The following LY75 variants were observed in gnomAD, a reference collection of about 807,000 sequenced individuals.
LY75 encodes the protein lymphocyte antigen 75.
A neutral mutation model predicts 231.7 loss-of-function variants in LY75; 185 were observed. The ratio of observed to expected loss-of-function variants is 0.80; its 90% CI spans 0.71 to 0.90. LY75 has a LOEUF of 0.90. LY75 is among the 40% of genes least tolerant of loss of function. LY75 has a pLI of 0.00. For missense variants in LY75, 1,947 were observed against 2,050.2 expected (o/e 0.95, Z 0.97); for synonymous variants, 668 against 689.0 (o/e 0.97, Z 0.48).
At chr2:159,855,555 G>A (rs1229272989) in intron 16 of LY75, among the ~76,000 whole-genome samples, 2 of 152,154 alleles carry the variant, frequency 1.3e-5, no homozygotes, top group African/African-American at 4.8e-5. Context: ...ACAGAATTCC[G>A]GGTTGGAAGC....
chr2:159,902,006 G>T (rs1056273588), intron 1 of LY75, among the ~76,000 whole-genome samples: 2 of 152,342 alleles, frequency 1.3e-5, no homozygotes, highest in African/African-American at 2.4e-5. Flanking sequence ...GAGCTGGAAG[G>T]AGGACTGAGA....
chr2:159,807,569 C>T, intron 33 of LY75: 1 of 945,438 alleles, frequency 1.1e-6, no homozygotes, highest in Non-Finnish European at 1.3e-6. Flanking sequence ...GTGCAGGAAT[C>T]TCCATCCCCA....
chr2:159,864,734 T>A (rs1574569581), intron 14 of LY75, 105 bp downstream of exon 14: 1 of 1,134,330 alleles, frequency 8.8e-7, no homozygotes, highest in African/African-American at 1.6e-5. Flanking sequence ...GGGTCTTTTG[T>A]GGTTCCATAT....
chr2:159,844,730 C>T (rs1243006218), intron 23 of LY75, among the ~76,000 whole-genome samples: 2 of 149,240 alleles, frequency 1.3e-5, no homozygotes, highest in African/African-American at 4.9e-5. Context: ...AAACCCATAA[C>T]AAATTCAAAC....
intron 30 of LY75, 164 bp from the exon 31 acceptor site, chr2:159,815,737 T>C: frequency 2.3e-6 from 1 of 433,690 alleles, no homozygotes; most frequent in Non-Finnish European, 3.1e-6. Flanking sequence ...GATTTACTTC[T>C]GATGCATTGA....
At chr2:159,872,326 G>T in intron 13 of LY75, 125 bp downstream of exon 13, 1 of 1,258,722 alleles carries the variant, frequency 7.9e-7, no homozygotes, top group Non-Finnish European at 1.1e-6. Context: ...AGCACCAAAT[G>T]ACCTTTTAGA....
chr2:159,899,343 C>T (rs564921913), intron 1 of LY75, among the ~76,000 whole-genome samples: 1 of 152,270 alleles, frequency 6.6e-6, no homozygotes, highest in East Asian at 1.9e-4. Flanking sequence ...CTCTGTGCTC[C>T]AGTTTTCATA....
chr2:159,875,745 T>C (rs1361382355), intron 11 of LY75, 102 bp from the exon 12 acceptor site: 1 of 1,208,720 alleles, frequency 8.3e-7, no homozygotes, highest in Non-Finnish European at 1.1e-6. Context: ...GGAGAGAGAA[T>C]AAAAAAAAAA....
At chr2:159,866,858 C>T (rs1684871569) in intron 13 of LY75, among the ~76,000 whole-genome samples, 1 of 152,076 alleles carries the variant, frequency 6.6e-6, no homozygotes, top group Non-Finnish European at 1.5e-5. Context: ...CACAATACAA[C>T]CAGGAAGACG....
intron 16 of LY75, among the ~76,000 whole-genome samples, chr2:159,856,380 G>A (rs1684550660): frequency 6.6e-6 from 1 of 152,156 alleles, no homozygotes; most frequent in Non-Finnish European, 1.5e-5. Context: ...GGGAAGAGAG[G>A]ATTAATTAGA....
chr2:159,898,583 T>C, intron 2 of LY75, 105 bp downstream of exon 2: 4 of 1,505,350 alleles, frequency 2.7e-6, no homozygotes, highest in Non-Finnish European at 3.6e-6. Flanking sequence ...GCTTACTCAC[T>C]GCCCTTACTA....
chr2:159,849,910 T>C (rs1684329505), intron 23 of LY75, 70 bp downstream of exon 23: 5 of 1,553,348 alleles, frequency 3.2e-6, no homozygotes, highest in Non-Finnish European at 4.3e-6. Flanking sequence ...TTTTGCTTAG[T>C]CCAAAAATGT....
At chr2:159,813,795 T>G (rs548347875) in intron 31 of LY75, 1 of 152,398 alleles carries the variant, frequency 6.6e-6, no homozygotes, top group East Asian at 1.9e-4. Flanking sequence ...GGAGGCACTC[T>G]TCAACCTGGT....
intron 25 of LY75, among the ~76,000 whole-genome samples, chr2:159,840,408 C>T (rs980254793): frequency 6.6e-6 from 1 of 151,966 alleles, no homozygotes; most frequent in African/African-American, 2.4e-5. Flanking sequence ...CTCATCTTTA[C>T]AAAAAATACA....
intron 23 of LY75, among the ~76,000 whole-genome samples, chr2:159,846,008 G>A (rs1026105498): frequency 4.1e-4 from 62 of 151,206 alleles, no homozygotes; most frequent in Non-Finnish European, 4.4e-5. Context: ...GTGTTGCCCA[G>A]GCTGGTCTCT....
chr2:159,878,895 A>G (rs923101937), intron 9 of LY75, among the ~76,000 whole-genome samples, 174 bp from the exon 10 acceptor site: 2 of 152,172 alleles, frequency 1.3e-5, no homozygotes, highest in Admixed American at 1.3e-4. Flanking sequence ...TAACCTCCAC[A>G]AGACTGTGGG....
In LY75 at chr2:159,816,942, C is replaced by T. The variant is rs752991846; in HGVS notation, c.4244G>A (p.Trp1415Ter). ...AGAACACATGTTTAATGCTTCATAC[C>T]ATGTTACCTTTTTTTGAATAACACT... ...IYSVIQKKVT[W>*]YEALNMCSQS... Residue 1415 changes from tryptophan to a stop codon, truncating the protein, a stop_gained, in exon 30 of 35, where the codon TGG (tryptophan) becomes TAG (stop). Coordinates refer to ENST00000263636, the MANE Select transcript of LY75 (RefSeq NM_002349.4). LOFTEE classifies it high-confidence loss of function. 5 of 1,614,148 alleles carry T rather than the reference C, an allele frequency of 3.1e-6. No individual in the cohort carries two copies. Among genetic ancestry groups the T allele is most frequent in the Non-Finnish European group, 3.4e-6 (4 of 1,180,014 alleles).
chr2:159,894,032 G>A lies in LY75; in HGVS notation c.519C>T (p.Phe173=). The stretch of plus-strand genomic sequence containing the variant: ...CATGATGCCAGGTCCCATCAATTAA[G>A]AATGGAAATTCACAAGGTCTCCCAT... The part of the protein sequence containing the change: ...NSYGRPCEFP[F]LIDGTWHHDC... The change falls in exon 3 of 35, where the codon TTC becomes TTT. Residue 173 remains phenylalanine (F), a synonymous_variant. Transcript: ENST00000263636. 6.2e-7 allele frequency: 1 copy of A among 1,613,806 alleles called. No homozygotes were observed.
rs1473559513 is a variant in LY75, at chr2:159,807,067, A to G, written c.4896T>C (p.Val1632=). The part of the protein sequence containing the change: ...VKWENKSKSG[V]GRCSMLIASN... ...AAGCTATCAACATGCTACATCTTCC[A>G]ACACCACTCTTACTTTTATTTTCCC... The change falls in exon 34 of 35, where the codon GTT becomes GTC. Residue 1632 remains valine (V), a synonymous_variant. Transcript: ENST00000263636. 6.2e-7 allele frequency: 1 copy of G among 1,613,976 alleles called. No homozygotes were observed. The highest frequency in any genetic ancestry group is 2.2e-5 in the East Asian group (1 of 44,868).
Sources: gnomAD v4.1 joint callset for allele counts (sites outside exome capture counted in the v4.1 genomes callset) on GRCh38, gnomAD v4.1.1 for gene constraint, MANE v1.5 for transcripts, NCBI Gene and HGNC (gene_info 2026-07-23, HGNC 2026-07-21) for gene names.